LRGUK: variants seen among roughly 807,000 people sequenced by gnomAD.
The protein encoded by LRGUK is leucine rich repeats and guanylate kinase domain containing, also known as leucine-rich repeat and guanylate kinase domain-containing protein.
In LRGUK, 65 loss-of-function variants were observed where a neutral mutation model predicts 76.0. The ratio of observed to expected loss-of-function variants is 0.85; its 90% CI spans 0.70 to 1.05. The LOEUF is 1.05. LRGUK is among the 50% of genes least tolerant of loss of function. The pLI, the probability that LRGUK is intolerant of heterozygous loss-of-function variation, is 0.00. For synonymous variants in LRGUK, 268 were observed against 265.6 expected (o/e 1.01, Z -0.09); for missense variants, 758 against 732.8 (o/e 1.03, Z -0.40).
At chr7:134,217,786 C>A (rs1392624408) in intron 15 of LRGUK, among the ~76,000 whole-genome samples, 2 of 152,076 alleles carry the variant, frequency 1.3e-5, no homozygotes, top group Non-Finnish European at 2.9e-5. Context: ...ATTCTGTTTT[C>A]TTTTAAGCTC....
intron 19 of LRGUK, among the ~76,000 whole-genome samples, chr7:134,262,508 G>A (rs1802756016): frequency 6.6e-6 from 1 of 152,188 alleles, no homozygotes; most frequent in South Asian, 2.1e-4. Context: ...CTCCAAAACT[G>A]CTTCCATAAG....
chr7:134,221,811 C>T, exon 16 of LRGUK: 1 of 1,577,814 alleles, frequency 6.3e-7, no homozygotes. Flanking sequence ...ACCTGAAGCG[C>T]ATCCTACAAA....
chr7:134,203,029 C>T (rs1240323091), intron 15 of LRGUK, among the ~76,000 whole-genome samples: 1 of 151,964 alleles, frequency 6.6e-6, no homozygotes, highest in Non-Finnish European at 1.5e-5. Context: ...ATGGTGAAAC[C>T]CTGTCTCTAC....
At chr7:134,275,865 A>T in the LRGUK span, among the ~76,000 whole-genome samples, 2 of 152,214 alleles carry the variant, frequency 1.3e-5, no homozygotes, top group African/African-American at 2.4e-5. Flanking sequence ...CAATTCAATT[A>T]GATAAGGCAC....
intron 1 of LRGUK, among the ~76,000 whole-genome samples, chr7:134,135,493 C>T (rs1162197934): frequency 6.6e-6 from 1 of 152,210 alleles, no homozygotes; most frequent in Admixed American, 6.5e-5. Context: ...AATATACCAA[C>T]ATGGCATATT....
the LRGUK span, among the ~76,000 whole-genome samples, chr7:134,275,252 T>G: frequency 1.3e-5 from 2 of 152,168 alleles, no homozygotes; most frequent in Admixed American, 1.3e-4. Flanking sequence ...TGGCTTTATA[T>G]TCAATATTTA....
chr7:134,240,124 T>C (rs1802106388), intron 16 of LRGUK, among the ~76,000 whole-genome samples: 1 of 152,018 alleles, frequency 6.6e-6, no homozygotes, highest in Non-Finnish European at 1.5e-5. Flanking sequence ...AAGCTGAAAA[T>C]TCTAAAAATC....
intron 5 of LRGUK, among the ~76,000 whole-genome samples, chr7:134,151,719 A>C (rs1798232368): frequency 6.6e-6 from 1 of 152,106 alleles, no homozygotes; most frequent in Admixed American, 6.6e-5. Context: ...GAATGTATGG[A>C]GAGTTTAATA....
At chr7:134,190,866 A>G (rs1263039704) in intron 11 of LRGUK, among the ~76,000 whole-genome samples, 3 of 37,530 alleles carry the variant, frequency 8.0e-5, no homozygotes, top group Non-Finnish European at 2.1e-4. Flanking sequence ...AAAACAGATA[A>G]ATATATAAAA....
rs143689929 is a variant in LRGUK, at chr7:134,200,193, C to T, written c.1747+772C>T. 8.3e-3 allele frequency among the ~76,000 whole-genome samples: 1,248 copies of T among 151,018 alleles called. 19 individuals carry two copies. Among genetic ancestry groups the T allele is most frequent in the African/African-American group, 0.028 (1,171 of 41,184 alleles). On this transcript the variant is annotated intron_variant, in intron 14 of 15. Coordinates refer to ENST00000645682, the Ensembl canonical transcript of LRGUK. The stretch of plus-strand genomic sequence containing the variant: ...CTGGGATTACAGGTGCCCGCCACCA[C>T]GCCCAGCTAATTTTTGCATTTTTAG...
intron 10 of LRGUK, among the ~76,000 whole-genome samples, chr7:134,179,417 C>CTTCA (rs1563165074): frequency 6.6e-6 from 1 of 152,132 alleles, no homozygotes; most frequent in African/African-American, 2.4e-5. Context: ...TGCTCCTGTA[C>CTTCA]TTCACATGGC....
intron 11 of LRGUK, among the ~76,000 whole-genome samples, chr7:134,184,131 G>T (rs1799878787): frequency 1.3e-5 from 2 of 152,164 alleles, no homozygotes; most frequent in South Asian, 4.1e-4. Context: ...TTGGATCAAT[G>T]TGATTACCTG....
chr7:134,266,608 A>G (rs112950349), downstream of LRGUK, among the ~76,000 whole-genome samples: 4 of 152,348 alleles, frequency 2.6e-5, no homozygotes, highest in African/African-American at 9.6e-5. Flanking sequence ...AATCTGACCA[A>G]CAGAGAGAAA....
intron 16 of LRGUK, among the ~76,000 whole-genome samples, chr7:134,238,223 A>C (rs990376274): frequency 6.6e-6 from 1 of 151,890 alleles, no homozygotes; most frequent in African/African-American, 2.4e-5. Flanking sequence ...TAGATACAAG[A>C]GGGATTATGG....
intron 19 of LRGUK, 99 bp downstream of exon 19, chr7:134,258,504 C>A: frequency 8.6e-7 from 1 of 1,162,114 alleles, no homozygotes; most frequent in Non-Finnish European, 1.2e-6. Flanking sequence ...TCGAGACCAG[C>A]CTGGCCAAAA....
intron 15 of LRGUK, among the ~76,000 whole-genome samples, chr7:134,215,684 T>G (rs1050212391): frequency 1.3e-5 from 2 of 152,230 alleles, no homozygotes; most frequent in Non-Finnish European, 2.9e-5. Flanking sequence ...GAAAATCATC[T>G]TATTACCATA....
chr7:134,262,505 A>G (rs1476738274), intron 19 of LRGUK, among the ~76,000 whole-genome samples: 2 of 152,214 alleles, frequency 1.3e-5, no homozygotes, highest in Non-Finnish European at 2.9e-5. Context: ...ATACTCCAAA[A>G]CTGCTTCCAT....
At chr7:134,249,967 G>A (rs576187096) in intron 18 of LRGUK, among the ~76,000 whole-genome samples, 1 of 152,278 alleles carries the variant, frequency 6.6e-6, no homozygotes, top group African/African-American at 2.4e-5. Flanking sequence ...TAGGTTGCTG[G>A]CTGGTCTATA....
intron 1 of LRGUK, among the ~76,000 whole-genome samples, chr7:134,132,370 AAAG>A (rs1483403710): frequency 2.0e-5 from 3 of 152,124 alleles, no homozygotes; most frequent in Non-Finnish European, 2.9e-5. Flanking sequence ...AATAAAAAAA[AAAG>A]AAGATGGGAA....
Sources: gnomAD v4.1 joint callset for allele counts (sites outside exome capture counted in the v4.1 genomes callset) on GRCh38, gnomAD v4.1.1 for gene constraint, MANE v1.5 for transcripts, NCBI Gene and HGNC (gene_info 2026-07-23, HGNC 2026-07-21) for gene names.